Variants in ATXN2 observed in about 807,000 individuals in gnomAD.
ATXN2 encodes the protein ataxin-2.
A neutral mutation model predicts 138.6 loss-of-function variants in ATXN2; 37 were observed. That is an observed-to-expected ratio of 0.27 (90% CI 0.21 to 0.35). The LOEUF (loss-of-function observed/expected upper bound fraction) is 0.35, where lower values mean the gene tolerates loss of function less well. Among genes scored for constraint, ATXN2 ranks in the 10% least tolerant of loss-of-function variants. The pLI is 1.00. For synonymous variants in ATXN2, 549 were observed against 543.7 expected (o/e 1.01, Z -0.13); for missense variants, 1,216 against 1,480.3 (o/e 0.82, Z 2.93).
chr12:111,592,782 C>CAAAAAAAGAAAAA (rs1884735668), intron 1 of ATXN2, among the ~76,000 whole-genome samples: 2 of 26,018 alleles, frequency 7.7e-5, no homozygotes, highest in Non-Finnish European at 1.7e-4. Flanking sequence ...GACTCCGTCT[C>CAAAAAAAGAAAAA]AAAAAAAAAA....
At chr12:111,465,087 A>G (rs1875894566) in intron 20 of ATXN2, among the ~76,000 whole-genome samples, 1 of 152,238 alleles carries the variant, frequency 6.6e-6, no homozygotes, top group African/African-American at 2.4e-5. Flanking sequence ...AACATTACTA[A>G]TGGAAATGTC....
intron 14 of ATXN2, among the ~76,000 whole-genome samples, chr12:111,489,342 C>T (rs1877862091): frequency 6.6e-6 from 1 of 152,036 alleles, no homozygotes; most frequent in East Asian, 1.9e-4. Context: ...GGGCCGGGCA[C>T]GGTGGCTCAC....
chr12:111,462,977 T>TACAC (rs59710594), intron 21 of ATXN2, among the ~76,000 whole-genome samples: 176 of 147,828 alleles, frequency 1.2e-3, no homozygotes, highest in East Asian at 4.0e-3. Flanking sequence ...TATATATATA[T>TACAC]ACACACACAC....
intron 21 of ATXN2, among the ~76,000 whole-genome samples, chr12:111,459,912 TC>T (rs1347740516): frequency 6.6e-6 from 1 of 151,794 alleles, no homozygotes; most frequent in African/African-American, 2.4e-5. Flanking sequence ...AGACGGGGTT[TC>T]ACCATGTTGG....
chr12:111,488,523 T>C lies in ATXN2; in HGVS notation c.2193A>G (p.Ala731=), dbSNP rs138912353. 3.1e-6 allele frequency: 5 copies of C among 1,614,026 alleles called. No homozygotes were observed. The highest frequency in any genetic ancestry group is 4.2e-6 in the Non-Finnish European group (5 of 1,179,994). The part of the protein sequence containing the change: ...TSQGVQTSSP[A]CKQEKDDKEE... The stretch of plus-strand genomic sequence containing the variant: ...CCTTATCGTCTTTCTCTTGTTTACA[T>C]GCTGGGCTGGAAGTCTGAACCCCTT... Residue 731 remains alanine (A), a synonymous_variant, in exon 15 of 25, where the codon GCA becomes GCG. Transcript: ENST00000673436.
chr12:111,538,475 C>T (rs562330859), intron 5 of ATXN2, among the ~76,000 whole-genome samples: 1 of 150,708 alleles, frequency 6.6e-6, no homozygotes, highest in Admixed American at 6.6e-5. Context: ...CTCTGCCACC[C>T]GAATAGCTGG....
intron 1 of ATXN2, among the ~76,000 whole-genome samples, chr12:111,563,156 A>G (rs1015586042): frequency 2.0e-5 from 3 of 152,234 alleles, no homozygotes; most frequent in African/African-American, 7.2e-5. Flanking sequence ...TGTAATCTTC[A>G]AAAGTGTCAA....
intron 1 of ATXN2, among the ~76,000 whole-genome samples, chr12:111,588,455 T>C (rs944418687): frequency 2.0e-5 from 3 of 151,818 alleles, no homozygotes; most frequent in African/African-American, 4.8e-5. Flanking sequence ...AAACCCCATC[T>C]CTACTAAAAT....
Position 111,516,418 on chromosome 12 carries a change from G to GA in ATXN2, c.1166-56dup. Reference sequence around the variant, plus strand: ...ATAAAAACTAAAGAAAAAAATGAGGGAAAAAAGTAAACAGAAAAAAAGTAA... The same window carrying GA: ...ATAAAAACTAAAGAAAAAAATGAGGGAAAAAAAGTAAACAGAAAAAAAGTAA... On this transcript the variant is annotated intron_variant, in intron 9 of 24. Transcript: ENST00000673436. The surrounding 1 kb of genome is among the most constrained non-coding windows in gnomAD (Gnocchi z 5.0). 7.0e-7 allele frequency: 1 copy of GA among 1,428,048 alleles called. No individual in the cohort carries two copies. Among genetic ancestry groups the GA allele is most frequent in the Admixed American group, 2.4e-5 (1 of 41,102 alleles). The allele number at this position is 1,428,048 out of a possible 1,614,324, so 88.5% of individuals were successfully genotyped here.
upstream of ATXN2, chr12:111,599,594 A>G (rs1885168551): frequency 9.1e-7 from 1 of 1,095,974 alleles, no homozygotes; most frequent in Non-Finnish European, 1.1e-6. Context: ...GAGGGGTCAG[A>G]CGGAAGCAGA....
intron 8 of ATXN2, among the ~76,000 whole-genome samples, chr12:111,519,081 A>G (rs1037815913): frequency 6.6e-6 from 1 of 152,180 alleles, no homozygotes. Context: ...TCTTACCAGT[A>G]CATCCATTAA....
intron 20 of ATXN2, among the ~76,000 whole-genome samples, chr12:111,465,306 T>C (rs1414830155): frequency 6.6e-6 from 1 of 152,048 alleles, no homozygotes; most frequent in Non-Finnish European, 1.5e-5. Flanking sequence ...TTTTTTTTTT[T>C]TTTAACTTAA....
chr12:111,496,461 G>C (rs1338641858), intron 14 of ATXN2, among the ~76,000 whole-genome samples: 1 of 152,002 alleles, frequency 6.6e-6, no homozygotes, highest in Non-Finnish European at 1.5e-5. Context: ...ACTTGAACTG[G>C]GGAGGCAGAG....
At chr12:111,463,339 G>A (rs1566004627) in intron 21 of ATXN2, among the ~76,000 whole-genome samples, 1 of 152,052 alleles carries the variant, frequency 6.6e-6, no homozygotes, top group Non-Finnish European at 1.5e-5. Flanking sequence ...CTGTTGCCCA[G>A]GCCTGAGTGC....
intron 1 of ATXN2, among the ~76,000 whole-genome samples, chr12:111,585,958 C>T (rs1000176428): frequency 2.6e-5 from 4 of 151,898 alleles, no homozygotes; most frequent in African/African-American, 4.8e-5. Context: ...GGCTGGAGTG[C>T]AGTGGTGCAA....
chr12:111,454,756 C>A (rs1442603224), intron 23 of ATXN2: 3 of 393,330 alleles, frequency 7.6e-6, no homozygotes, highest in African/African-American at 6.1e-5. Flanking sequence ...TTGAGCTTCC[C>A]TGTGTTAACC....
chr12:111,518,176 C>CTATTTTAAG, intron 9 of ATXN2, 73 bp downstream of exon 9: 1 of 1,307,080 alleles, frequency 7.7e-7, no homozygotes, highest in South Asian at 1.8e-5. Flanking sequence ...GTTATGTAAA[C>CTATTTTAAG]TATTTTAAGT....
chr12:111,546,983 A>C (rs960323777), intron 5 of ATXN2, among the ~76,000 whole-genome samples: 2 of 152,258 alleles, frequency 1.3e-5, no homozygotes, highest in Non-Finnish European at 2.9e-5. Flanking sequence ...AAGAGACCAA[A>C]GGAAACTTAT....
At chr12:111,478,777 C>A (rs553167434) in intron 18 of ATXN2, among the ~76,000 whole-genome samples, 2 of 151,592 alleles carry the variant, frequency 1.3e-5, no homozygotes, top group Admixed American at 1.3e-4. Context: ...GAGGCTGGGG[C>A]GGGTGGATCA....
Sources: allele counts gnomAD v4.1 joint callset (sites outside exome capture counted in the v4.1 genomes callset), GRCh38; gene constraint gnomAD v4.1.1; non-coding constraint Gnocchi (gnomAD v3.1); transcripts MANE v1.5; gene names NCBI Gene and HGNC (gene_info 2026-07-23, HGNC 2026-07-21).